The following TBC1D12 variants were observed in gnomAD, a reference collection of about 807,000 sequenced individuals.
TBC1D12 encodes the protein TBC1 domain family, member 12.
Under a neutral mutation model 86.7 loss-of-function variants are expected in TBC1D12, and 56 were observed. The observed-to-expected ratio is 0.65, with a 90% CI of 0.52 to 0.81. The LOEUF (loss-of-function observed/expected upper bound fraction) is 0.81. Ranked by LOEUF, TBC1D12 falls within the 30% of genes least tolerant of loss-of-function variation. TBC1D12 has a pLI of 0.00. For missense variants in TBC1D12, 1,023 were observed against 1,038.8 expected (o/e 0.98, Z 0.21); for synonymous variants, 421 against 411.7 (o/e 1.02, Z -0.27).
In TBC1D12 at chr10:94,491,137, C is replaced by CTG. The variant is rs1454444083; in HGVS notation, c.1212-2226_1212-2225dup. 3.9e-5 allele frequency among the ~76,000 whole-genome samples: 6 copies of CTG among 152,090 alleles called. No individual in the cohort carries two copies. The East Asian group carries it at 1.2e-3, about 29-fold the overall frequency. ...ATCACTTTCTTGTGCTGCCCAGTGT[C>CTG]TGTTGTCTGGAAACTATAGTTTAAT... On this transcript the variant is annotated intron_variant, in intron 3 of 12. Coordinates refer to ENST00000225235, the MANE Select transcript of TBC1D12 (RefSeq NM_015188.2).
At chr10:94,522,194 T>C in intron 10 of TBC1D12, 111 bp downstream of exon 10, 1 of 1,302,076 alleles carries the variant, frequency 7.7e-7, no homozygotes, top group Non-Finnish European at 1.0e-6. Context: ...CTTATCATTA[T>C]ATTATAGTTT....
intron 2 of TBC1D12, among the ~76,000 whole-genome samples, chr10:94,454,083 T>G (rs1178767621): frequency 6.6e-6 from 1 of 152,198 alleles, no homozygotes; most frequent in East Asian, 1.9e-4. Flanking sequence ...CAATATTGAA[T>G]TGGCTATTCT....
chr10:94,429,955 C>T (rs1180551395), intron 1 of TBC1D12, among the ~76,000 whole-genome samples: 1 of 152,114 alleles, frequency 6.6e-6, no homozygotes, highest in East Asian at 1.9e-4. Context: ...AGGCCGGTCT[C>T]GAACTCTTGG....
intron 3 of TBC1D12, among the ~76,000 whole-genome samples, chr10:94,488,285 G>A (rs2056197940): frequency 6.6e-6 from 1 of 151,184 alleles, no homozygotes; most frequent in Non-Finnish European, 1.5e-5. Flanking sequence ...CTACTTGGGA[G>A]ACTGAGGCAG....
chr10:94,461,413 T>C (rs2055728395), intron 2 of TBC1D12, among the ~76,000 whole-genome samples: 1 of 152,142 alleles, frequency 6.6e-6, no homozygotes, highest in Admixed American at 6.5e-5. Flanking sequence ...GGTAAAAAAG[T>C]TTCTCCTGAG....
At chr10:94,436,281 G>A (rs894393444) in intron 1 of TBC1D12, among the ~76,000 whole-genome samples, 3 of 151,828 alleles carry the variant, frequency 2.0e-5, no homozygotes, top group African/African-American at 4.8e-5. Flanking sequence ...GACTACAGGC[G>A]CGCGCCACCA....
chr10:94,496,692 A>G (rs752296695), intron 4 of TBC1D12, among the ~76,000 whole-genome samples: 12 of 152,138 alleles, frequency 7.9e-5, no homozygotes, highest in Non-Finnish European at 1.0e-4. Flanking sequence ...AGAACAGGAG[A>G]TGTTATTTTA....
At chr10:94,478,198 G>A (rs1197326277) in intron 3 of TBC1D12, among the ~76,000 whole-genome samples, 8 of 152,062 alleles carry the variant, frequency 5.3e-5, no homozygotes, top group Admixed American at 5.2e-4. Context: ...GGAGTTTGAG[G>A]TTACAGTGAG....
chr10:94,531,362 C>T lies in TBC1D12; in HGVS notation c.2161C>T (p.Gln721Ter), dbSNP rs978758915. 1 of 1,613,978 alleles carries T rather than the reference C, an allele frequency of 6.2e-7. No homozygotes were observed. The highest frequency in any genetic ancestry group is 8.5e-7 in the Non-Finnish European group (1 of 1,180,022). ...LLQMDFIHIA[Q>*]FLTKLPEDIT... Reference sequence around the variant, plus strand: ...GCAGATGGACTTTATTCATATAGCACAGTTTCTAACTAAATTGCCAGAAGA... The same window carrying T: ...GCAGATGGACTTTATTCATATAGCATAGTTTCTAACTAAATTGCCAGAAGA... The change falls in exon 12 of 13, where the codon CAG becomes TAG. Residue 721 changes from glutamine (Q) to a stop codon, truncating the protein, a stop_gained. Coordinates refer to ENST00000225235, the MANE Select transcript of TBC1D12 (RefSeq NM_015188.2). LOFTEE classifies it high-confidence loss of function.
chr10:94,442,887 T>G (rs910299107), intron 2 of TBC1D12, among the ~76,000 whole-genome samples: 3 of 152,242 alleles, frequency 2.0e-5, no homozygotes, highest in African/African-American at 4.8e-5. Context: ...AAAAACTGGT[T>G]TTCCAAGTAA....
At chr10:94,510,252 T>G in intron 8 of TBC1D12, 73 bp downstream of exon 8, 1 of 1,073,282 alleles carries the variant, frequency 9.3e-7, no homozygotes, top group Non-Finnish European at 1.3e-6. Flanking sequence ...ATTCTTTAAA[T>G]GAATAGCTAT....
At chr10:94,438,023 A>T (rs2055329749) in intron 1 of TBC1D12, among the ~76,000 whole-genome samples, 1 of 43,470 alleles carries the variant, frequency 2.3e-5, no homozygotes, top group Non-Finnish European at 4.4e-5. Context: ...TTTTTTATGA[A>T]ATTGACTTAA....
At chr10:94,426,192 T>C (rs2055143605) in intron 1 of TBC1D12, among the ~76,000 whole-genome samples, 1 of 152,190 alleles carries the variant, frequency 6.6e-6, no homozygotes, top group African/African-American at 2.4e-5. Context: ...TTCAGTATGA[T>C]TTTGAAAGGG....
At chr10:94,484,532 G>A (rs1050870239) in intron 3 of TBC1D12, among the ~76,000 whole-genome samples, 4 of 151,978 alleles carry the variant, frequency 2.6e-5, no homozygotes, top group African/African-American at 7.2e-5. Flanking sequence ...GAGCCACCAC[G>A]CCTGGCCAGT....
chr10:94,500,403 G>A (rs2056379742), intron 6 of TBC1D12, 76 bp downstream of exon 6: 1 of 1,238,858 alleles, frequency 8.1e-7, no homozygotes, highest in East Asian at 2.6e-5. Flanking sequence ...TTAGTAGAGT[G>A]ACCATTAAAA....
chr10:94,513,005 T>C (rs1564985866), intron 9 of TBC1D12, among the ~76,000 whole-genome samples: 1 of 151,850 alleles, frequency 6.6e-6, no homozygotes, highest in African/African-American at 2.4e-5. Context: ...TCCCAGCACT[T>C]TGGGAGGCCT....
intron 1 of TBC1D12, among the ~76,000 whole-genome samples, chr10:94,418,519 T>C (rs1441135648): frequency 6.6e-6 from 1 of 152,070 alleles, no homozygotes; most frequent in Admixed American, 6.6e-5. Flanking sequence ...GAACTAGATA[T>C]GTCTGTTTTT....
At chr10:94,475,015 A>G (rs745991326) in intron 3 of TBC1D12, among the ~76,000 whole-genome samples, 1 of 152,148 alleles carries the variant, frequency 6.6e-6, no homozygotes, top group Non-Finnish European at 1.5e-5. Flanking sequence ...CTCAAACTCA[A>G]GTGATCCTCC....
chr10:94,437,766 T>A (rs1043485268), intron 1 of TBC1D12, among the ~76,000 whole-genome samples: 13 of 152,064 alleles, frequency 8.5e-5, no homozygotes, highest in African/African-American at 3.1e-4. Context: ...TTTCTTATCA[T>A]CATATTTGCC....
Sources: allele counts gnomAD v4.1 joint callset (sites outside exome capture counted in the v4.1 genomes callset), GRCh38; gene constraint gnomAD v4.1.1; transcripts MANE v1.5; gene names NCBI Gene and HGNC (gene_info 2026-07-23, HGNC 2026-07-21).